The following DYRK1A variants were observed in gnomAD, a reference collection of about 807,000 sequenced individuals.
DYRK1A encodes dual specificity tyrosine-phosphorylation-regulated kinase 1A.
Under a neutral mutation model 79.7 loss-of-function variants are expected in DYRK1A, and 9 were observed. The observed-to-expected ratio is 0.11, with a 90% confidence interval of 0.07 to 0.20. The LOEUF (loss-of-function observed/expected upper bound fraction) is 0.20, where lower values mean the gene tolerates loss of function less well. Among genes scored for constraint, DYRK1A ranks in the 10% least tolerant of loss-of-function variants. The pLI is 1.00. For missense variants in DYRK1A, 622 were observed against 956.0 expected (o/e 0.65, Z 4.61); for synonymous variants, 349 against 329.7 (o/e 1.06, Z -0.63).
At chr21:37,469,577 C>T (rs1569351531) in intron 2 of DYRK1A, among the ~76,000 whole-genome samples, 2 of 152,280 alleles carry the variant, frequency 1.3e-5, no homozygotes, top group East Asian at 1.9e-4. Flanking sequence ...ATGAAAGCCT[C>T]TGGGGAGGCT....
At chr21:37,431,166 TTACTC>T (rs1482061689) in intron 2 of DYRK1A, among the ~76,000 whole-genome samples, 1 of 152,220 alleles carries the variant, frequency 6.6e-6, no homozygotes, top group Non-Finnish European at 1.5e-5. Context: ...AACAATATGT[TTACTC>T]TATCCAGTGT....
intron 1 of DYRK1A, among the ~76,000 whole-genome samples, chr21:37,413,715 G>A (rs1255852332): frequency 6.6e-6 from 1 of 152,152 alleles, no homozygotes; most frequent in African/African-American, 2.4e-5. Flanking sequence ...CACCTAGAGC[G>A]TCATTGGGCC....
chr21:37,443,472 C>T (rs1037526918), intron 2 of DYRK1A, among the ~76,000 whole-genome samples: 5 of 152,124 alleles, frequency 3.3e-5, no homozygotes, highest in East Asian at 3.8e-4. Flanking sequence ...TTCACTTTGT[C>T]GGGTGCCGAG....
At chr21:37,390,226 G>A (rs2049844434) in intron 1 of DYRK1A, among the ~76,000 whole-genome samples, 1 of 152,190 alleles carries the variant, frequency 6.6e-6, no homozygotes, top group East Asian at 1.9e-4. Context: ...TTGCCATCCT[G>A]GATGGGGTTT....
intron 5 of DYRK1A, among the ~76,000 whole-genome samples, chr21:37,484,803 C>T (rs910226275): frequency 3.3e-5 from 5 of 152,164 alleles, no homozygotes; most frequent in Admixed American, 2.0e-4. Context: ...CAAGTGAGCA[C>T]AGGAACCCTG....
chr21:37,406,739 C>CTA (rs376829303), intron 1 of DYRK1A, among the ~76,000 whole-genome samples: 1 of 61,012 alleles, frequency 1.6e-5, no homozygotes, highest in African/African-American at 4.2e-5. Context: ...ATGTATATCT[C>CTA]TATATATCTC....
chr21:37,525,002 G>C lies in DYRK1A; in HGVS notation c.*12471G>C, dbSNP rs1171737213. The C allele has an allele frequency of 6.6e-6, 1 of 152,404 alleles. No individual in the cohort carries two copies. The highest frequency in any genetic ancestry group is 2.4e-5 in the African/African-American group (1 of 41,460). 9.4% of individuals were successfully genotyped at this position (152,404 alleles called of 1,614,324 possible). A position where few individuals can be genotyped will look rare whatever the true frequency, so the allele number is the denominator to read the frequency against. ...TAATTCCAGCTACTCAGGAGGCTGA[G>C]GCAGGAGAATCGCTTGAACCCAGGA... On this transcript the variant is annotated 3_prime_UTR_variant, in exon 12 of 12. Coordinates refer to ENST00000647188, the MANE Select transcript of DYRK1A (RefSeq NM_001347721.2).
intron 2 of DYRK1A, among the ~76,000 whole-genome samples, chr21:37,467,779 A>C (rs2052080668): frequency 6.6e-6 from 1 of 152,212 alleles, no homozygotes; most frequent in Non-Finnish European, 1.5e-5. Context: ...CTTTCTAAGA[A>C]AGCTGTATTT....
At chr21:37,420,201 CT>C (rs1365567013) in intron 1 of DYRK1A, 97 bp from the exon 2 acceptor site, 1 of 422,778 alleles carries the variant, frequency 2.4e-6, no homozygotes, top group Non-Finnish European at 4.1e-6. Flanking sequence ...TAATTTTATT[CT>C]TTATGTTTTG....
chr21:37,368,004 CCT>C (rs992833592), intron 1 of DYRK1A: 5 of 157,234 alleles, frequency 3.2e-5, no homozygotes, highest in African/African-American at 9.6e-5. Flanking sequence ...CCTCGTCCCT[CCT>C]CTCGGTCCCC....
intron 3 of DYRK1A, among the ~76,000 whole-genome samples, chr21:37,475,751 T>C (rs1333010241): frequency 6.6e-6 from 1 of 152,228 alleles, no homozygotes; most frequent in Non-Finnish European, 1.5e-5. Flanking sequence ...TTTGATCATG[T>C]AACTCATGTT....
At chr21:37,447,755 C>CTT (rs1039294832) in intron 2 of DYRK1A, among the ~76,000 whole-genome samples, 1 of 152,110 alleles carries the variant, frequency 6.6e-6, no homozygotes, top group African/African-American at 2.4e-5. Flanking sequence ...GTGGGTGGAA[C>CTT]TTAGCAGTGG....
intron 1 of DYRK1A, among the ~76,000 whole-genome samples, chr21:37,375,519 CT>C (rs58948987): frequency 1.4e-3 from 117 of 81,440 alleles, no homozygotes; most frequent in Admixed American, 1.9e-3. Flanking sequence ...AGGAATATTA[CT>C]TTTTTTTTTT....
intron 2 of DYRK1A, among the ~76,000 whole-genome samples, chr21:37,454,309 T>A (rs2051562802): frequency 6.6e-6 from 1 of 151,978 alleles, no homozygotes; most frequent in Non-Finnish European, 1.5e-5. Context: ...CTCAGGTTGG[T>A]CTTTTAACTC....
At chr21:37,494,172 G>A (rs2053186972) in intron 8 of DYRK1A, among the ~76,000 whole-genome samples, 1 of 151,628 alleles carries the variant, frequency 6.6e-6, no homozygotes, top group Non-Finnish European at 1.5e-5. Context: ...GATTACAGGC[G>A]TGAGCCACTG....
At chr21:37,468,690 A>G (rs749812920) in intron 2 of DYRK1A, among the ~76,000 whole-genome samples, 1 of 152,164 alleles carries the variant, frequency 6.6e-6, no homozygotes, top group Non-Finnish European at 1.5e-5. Context: ...CTTGATTCCT[A>G]TTTTACACAG....
Position 37,525,616 on chromosome 21 carries a change from G to A in DYRK1A, c.*13085G>A, listed in dbSNP as rs1433252249. ...GCTTGTAATAATATAAGGTGTTAAA[G>A]CCTATAGATTATTCATTGTATTATT... On this transcript the variant is annotated 3_prime_UTR_variant, in exon 12 of 12. Transcript: ENST00000647188. 1 of 152,186 alleles carries A rather than the reference G, an allele frequency of 6.6e-6. No homozygotes were observed. 9.4% of individuals were successfully genotyped at this position (152,186 alleles called of 1,614,324 possible).
At chr21:37,471,913 C>CT (rs901930062) in intron 2 of DYRK1A, among the ~76,000 whole-genome samples, 5 of 151,996 alleles carry the variant, frequency 3.3e-5, no homozygotes, top group Admixed American at 6.6e-5. Context: ...TAAGAAAAAT[C>CT]TTTTTTTTAT....
At position 37,439,035 on chromosome 21, in the gene DYRK1A, G is replaced by T. The variant is rs145104540; in HGVS notation, c.10+18651G>T. ...TGTATTTTGTCAGGTTTATGCCTAA[G>T]TATTTCATATTTTTGTCACTATTTT... is the stretch of plus-strand genomic sequence containing the variant. On this transcript the variant is annotated intron_variant, in intron 2 of 11. Transcript: ENST00000647188. Among the ~76,000 whole-genome samples, 378 of 152,148 alleles carry T rather than the reference G, an allele frequency of 2.5e-3. 1 individual carries two copies. Among genetic ancestry groups the T allele is most frequent in the African/African-American group, 8.7e-3 (360 of 41,502 alleles).
Sources: allele counts gnomAD v4.1 joint callset (sites outside exome capture counted in the v4.1 genomes callset), GRCh38; gene constraint gnomAD v4.1.1; transcripts MANE v1.5; gene names NCBI Gene and HGNC (gene_info 2026-07-23, HGNC 2026-07-21).